ZNF490: variants seen among roughly 807,000 people sequenced by gnomAD.
ZNF490 encodes the protein zinc finger protein 490.
Under a neutral mutation model 17.7 loss-of-function variants are expected in ZNF490, and 11 were observed. The ratio of observed to expected loss-of-function variants is 0.62; its 90% CI spans 0.39 to 1.03. The LOEUF (loss-of-function observed/expected upper bound fraction) is 1.03. Ranked by LOEUF, ZNF490 falls within the 50% of genes least tolerant of loss-of-function variation. The probability of loss-of-function intolerance (pLI) is 0.00; values close to 1 mark genes in which losing one functional copy is unlikely to be tolerated. For missense variants in ZNF490, 542 were observed against 643.4 expected (o/e 0.84, Z 1.71); for synonymous variants, 222 against 216.1 (o/e 1.03, Z -0.24).
Position 12,577,096 on chromosome 19 carries a change from G to A in ZNF490, c.*3389C>T, listed in dbSNP as rs187834926. 8.5e-5 allele frequency among the ~76,000 whole-genome samples: 13 copies of A among 152,162 alleles called. No homozygotes were observed. In the South Asian group the frequency reaches 1.2e-3, roughly 15 times the overall value. On this transcript the variant is annotated 3_prime_UTR_variant, in exon 5 of 5. Transcript: ENST00000311437. Reference sequence around the variant, plus strand: ...GCCTTATATATCCTTGCTTGCTTTCGTGTCTTCCAGAATGCCAGGATCAAG... The same window carrying A: ...GCCTTATATATCCTTGCTTGCTTTCATGTCTTCCAGAATGCCAGGATCAAG...
chr19:12,578,425 C>A lies in ZNF490; in HGVS notation c.*2060G>T, dbSNP rs192495802. 1.5e-5 allele frequency: 15 copies of A among 985,478 alleles called. No individual in the cohort carries two copies. In the East Asian group the frequency reaches 1.5e-3, roughly 97 times the overall value. The allele number at this position is 985,478 out of a possible 1,614,324, so 61.0% of individuals were successfully genotyped here. ...AGGGGTGTGTGTCCCATGATACAGGCTCTGCTTCTTCAGTCTCTCACCTCA... is the reference window on the plus strand; with the variant it reads ...AGGGGTGTGTGTCCCATGATACAGGATCTGCTTCTTCAGTCTCTCACCTCA... On this transcript the variant is annotated 3_prime_UTR_variant, in exon 5 of 5. Transcript: ENST00000311437.
At chr19:12,588,424 G>A (rs2022827580) in intron 2 of ZNF490, among the ~76,000 whole-genome samples, 1 of 152,118 alleles carries the variant, frequency 6.6e-6, no homozygotes, top group African/African-American at 2.4e-5. Flanking sequence ...AAGAAGACAA[G>A]GCAATCCTTA....
intron 2 of ZNF490, among the ~76,000 whole-genome samples, chr19:12,595,295 C>T (rs2145154557): frequency 6.6e-6 from 1 of 152,002 alleles, no homozygotes; most frequent in Middle Eastern, 3.4e-3. Context: ...CCACCATGCC[C>T]AGTTAATTTT....
intron 2 of ZNF490, among the ~76,000 whole-genome samples, chr19:12,604,319 C>A (rs1170522964): frequency 6.6e-6 from 1 of 151,458 alleles, no homozygotes; most frequent in Non-Finnish European, 1.5e-5. Flanking sequence ...AGTTCAAGAC[C>A]AGCTTGACCA....
chr19:12,583,685 GA>G, intron 2 of ZNF490, 129 bp from the exon 3 acceptor site: 1 of 874,702 alleles, frequency 1.1e-6, no homozygotes, highest in South Asian at 2.4e-5. Context: ...TTGGTTGTCA[GA>G]ACTCTTGACT....
chr19:12,588,178 T>C (rs954026144), intron 2 of ZNF490, among the ~76,000 whole-genome samples: 32 of 151,846 alleles, frequency 2.1e-4, no homozygotes, highest in African/African-American at 7.5e-4. Context: ...TTTATATTTT[T>C]AGTAGAGATA....
chr19:12,591,371 C>CA (rs1159184067), intron 2 of ZNF490, among the ~76,000 whole-genome samples: 1 of 150,830 alleles, frequency 6.6e-6, no homozygotes, highest in African/African-American at 2.4e-5. Context: ...GCCTGACTGA[C>CA]AGAGACTCCA....
intron 2 of ZNF490, among the ~76,000 whole-genome samples, chr19:12,605,474 C>T (rs1265841875): frequency 7.8e-6 from 1 of 127,658 alleles, no homozygotes; most frequent in Non-Finnish European, 1.7e-5. Flanking sequence ...GAGTGAAACC[C>T]TGCTCTATTA....
At chr19:12,604,873 G>C (rs931686032) in intron 2 of ZNF490, among the ~76,000 whole-genome samples, 1 of 151,760 alleles carries the variant, frequency 6.6e-6, no homozygotes, top group African/African-American at 2.4e-5. Flanking sequence ...TCCTTTGTAG[G>C]CTGGGTGCAG....
At position 12,582,987 on chromosome 19, in the gene ZNF490, T is replaced by C. The variant is rs192649678; in HGVS notation, c.290-77A>G. Reference sequence around the variant, plus strand: ...ATTATAACACTCTAAGATCCATGATTAGCTATTGATTAGCTATGACACTGT... The same window carrying C: ...ATTATAACACTCTAAGATCCATGATCAGCTATTGATTAGCTATGACACTGT... On this transcript the variant is annotated intron_variant, in intron 3 of 4. Coordinates refer to ENST00000311437, the MANE Select transcript of ZNF490 (RefSeq NM_020714.3). 5,650 of 1,184,812 alleles carry C rather than the reference T, an allele frequency of 4.8e-3. 23 individuals carry two copies. Among genetic ancestry groups the C allele is most frequent in the Non-Finnish European group, 5.8e-3 (4,758 of 817,970 alleles). The allele number at this position is 1,184,812 out of a possible 1,614,324, so 73.4% of individuals were successfully genotyped here.
intron 4 of ZNF490, among the ~76,000 whole-genome samples, chr19:12,582,177 A>G (rs1176300020): frequency 1.4e-4 from 22 of 152,098 alleles, no homozygotes; most frequent in Admixed American, 1.4e-3. Flanking sequence ...CTGGGATTAC[A>G]GGCGTGAGCC....
At position 12,610,553 on chromosome 19, in the gene ZNF490, GC is replaced by G; in HGVS notation, c.117+10del. 1 of 1,607,428 alleles carries G rather than the reference GC, an allele frequency of 6.2e-7. No individual in the cohort carries two copies. Among genetic ancestry groups the G allele is most frequent in the South Asian group, 1.1e-5 (1 of 90,930 alleles). On this transcript the variant is annotated intron_variant, in intron 1 of 4. Transcript: ENST00000311437. ...GAGAGGCCTTACAACATTATGCCAA[GC>G]CCCTGGTACCTGGAGGACATCAGAC...
In ZNF490 at chr19:12,580,398, C is replaced by T. The variant is rs2022712444; in HGVS notation, c.*87G>A. 2.0e-6 allele frequency: 3 copies of T among 1,506,512 alleles called. No individual in the cohort carries two copies. The allele number at this position is 1,506,512 out of a possible 1,614,324, so 93.3% of individuals were successfully genotyped here. A position where few individuals can be genotyped will look rare whatever the true frequency, so the allele number is the denominator to read the frequency against. On this transcript the variant is annotated 3_prime_UTR_variant, in exon 5 of 5. Coordinates refer to ENST00000311437, the MANE Select transcript of ZNF490 (RefSeq NM_020714.3). Reference sequence around the variant, plus strand: ...ACTGAAGGCTTAATCACACCGTTTACATTCCTTGAATTTCTCTCCAGCGTA... The same window carrying T: ...ACTGAAGGCTTAATCACACCGTTTATATTCCTTGAATTTCTCTCCAGCGTA...
At chr19:12,603,357 T>C (rs2023029293) in intron 2 of ZNF490, among the ~76,000 whole-genome samples, 1 of 151,932 alleles carries the variant, frequency 6.6e-6, no homozygotes, top group African/African-American at 2.4e-5. Flanking sequence ...CATAGGGGTG[T>C]GTGCCTATAG....
At chr19:12,582,069 GCACCAC>G (rs1439557245) in intron 4 of ZNF490, among the ~76,000 whole-genome samples, 4 of 151,522 alleles carry the variant, frequency 2.6e-5, no homozygotes, top group Non-Finnish European at 5.9e-5. Context: ...TTGCAGACAT[GCACCAC>G]CACGCCCCGC....
In ZNF490 at chr19:12,610,770, G is replaced by A. The variant is rs551685611; in HGVS notation, c.-90C>T. ...TTTCTGCTTCAACACAATTGTCCAC[G>A]GAGGGCACCAGTTCCGTCCCACCGG... On this transcript the variant is annotated 5_prime_UTR_variant, in exon 1 of 5. Coordinates refer to ENST00000311437, the MANE Select transcript of ZNF490 (RefSeq NM_020714.3). 14 of 1,325,100 alleles carry A rather than the reference G, an allele frequency of 1.1e-5. No homozygotes were observed. The highest frequency in any genetic ancestry group is 1.0e-4 in the Admixed American group (6 of 59,120). 82.1% of individuals were successfully genotyped at this position (1,325,100 alleles called of 1,614,324 possible). A position where few individuals can be genotyped will look rare whatever the true frequency, so the allele number is the denominator to read the frequency against.
intron 2 of ZNF490, among the ~76,000 whole-genome samples, chr19:12,590,511 C>T (rs1340376965): frequency 2.0e-5 from 3 of 152,102 alleles, no homozygotes; most frequent in Admixed American, 6.6e-5. Context: ...CATGAGCCAC[C>T]GTGCCTGGCC....
In ZNF490 at chr19:12,609,160, T is replaced by C. The variant is rs1314387530; in HGVS notation, c.160A>G (p.Thr54Ala). 6.2e-7 allele frequency: 1 copy of C among 1,614,042 alleles called. No individual in the cohort carries two copies. The highest frequency in any genetic ancestry group is 8.5e-7 in the Non-Finnish European group (1 of 1,179,972). ...TGACAGGTAGCGATCTCACTTACAG[T>C]TTGAGTCTTGATGCTTTGTCCATGG... is the stretch of plus-strand genomic sequence containing the variant. ...EHHGQSIKTQ[T>A]DSISLEDVAV... The change falls in exon 2 of 5, where the codon ACT becomes GCT. Residue 54 changes from threonine (T) to alanine (A), a missense_variant and splice_region_variant. Transcript: ENST00000311437.
chr19:12,598,985 T>G (rs2022968550), intron 2 of ZNF490, among the ~76,000 whole-genome samples: 1 of 138,970 alleles, frequency 7.2e-6, no homozygotes, highest in African/African-American at 2.7e-5. Context: ...AGACTCCATC[T>G]CAAAAAAAAA....
Sources: gnomAD v4.1 joint callset for allele counts (sites outside exome capture counted in the v4.1 genomes callset) on GRCh38, gnomAD v4.1.1 for gene constraint, MANE v1.5 for transcripts, NCBI Gene and HGNC (gene_info 2026-07-23, HGNC 2026-07-21) for gene names.